Variants in SH3PXD2B observed in about 807,000 individuals in gnomAD.
SH3PXD2B encodes SH3 and PX domains 2B.
A neutral mutation model predicts 73.1 loss-of-function variants in SH3PXD2B; 37 were observed. That is an observed-to-expected ratio of 0.51 (90% CI 0.39 to 0.67). The LOEUF (loss-of-function observed/expected upper bound fraction) is 0.67. SH3PXD2B is among the 30% of genes least tolerant of loss of function. The probability of loss-of-function intolerance (pLI) is 0.00; values close to 1 mark genes in which losing one functional copy is unlikely to be tolerated. For missense variants in SH3PXD2B, 1,053 were observed against 1,197.8 expected, an observed-to-expected ratio of 0.88 and a Z score of 1.78; for synonymous variants, 457 against 480.5, an observed-to-expected ratio of 0.95 and a Z score of 0.64.
chr5:172,378,729 A>G (rs1757874981), intron 5 of SH3PXD2B, among the ~76,000 whole-genome samples: 1 of 152,110 alleles, frequency 6.6e-6, no homozygotes, highest in Non-Finnish European at 1.5e-5. Context: ...ATAAGAGGAG[A>G]CTGAGGCAAG....
At chr5:172,436,661 T>G (rs575828162) in intron 1 of SH3PXD2B, among the ~76,000 whole-genome samples, 1 of 152,100 alleles carries the variant, frequency 6.6e-6, no homozygotes, top group Non-Finnish European at 1.5e-5. Context: ...TACGAAACAG[T>G]AGAAGCCTGT....
rs1386010040 is a variant in SH3PXD2B, at chr5:172,336,942, A to T, written c.*1427T>A. ...AAGAAAAAAACATTACAAATGCCGG[A>T]GAGGCACAGGAAGCAGCTCTGCCTG... is the stretch of plus-strand genomic sequence containing the variant. On this transcript the variant is annotated 3_prime_UTR_variant, in exon 13 of 13. Transcript: ENST00000311601. 1.0e-6 allele frequency: 1 copy of T among 985,440 alleles called. No individual in the cohort carries two copies. The highest frequency in any genetic ancestry group is 1.2e-6 in the Non-Finnish European group (1 of 830,042). 61.0% of individuals were successfully genotyped at this position (985,440 alleles called of 1,614,324 possible). A position where few individuals can be genotyped will look rare whatever the true frequency, so the allele number is the denominator to read the frequency against.
chr5:172,396,555 T>C (rs1477192165), intron 3 of SH3PXD2B, among the ~76,000 whole-genome samples: 1 of 151,244 alleles, frequency 6.6e-6, no homozygotes, highest in African/African-American at 2.4e-5. Flanking sequence ...CTTGCTCTGG[T>C]GCAAAAGGAC....
rs1237204764 is a variant in SH3PXD2B at position 172,416,694 on chromosome 5, CTCTTTTTTTTTT to C, written c.156+5710_156+5721del. 5.4e-3 allele frequency among the ~76,000 whole-genome samples: 419 copies of C among 78,134 alleles called. 1 individual carries two copies. Among genetic ancestry groups the C allele is most frequent in the African/African-American group, 0.028 (405 of 14,558 alleles). 51.3% of individuals were successfully genotyped at this position (78,134 alleles called of 152,430 possible). On this transcript the variant is annotated intron_variant, in intron 2 of 12. Coordinates refer to ENST00000311601, the MANE Select transcript of SH3PXD2B (RefSeq NM_001017995.3). Reference sequence around the variant, plus strand: ...AGACTGTGAGTCTCTCTCTCTCTCTCTCTTTTTTTTTTTTTTTTTTTTTTTTTTTTTTGATAT... The same window carrying C: ...AGACTGTGAGTCTCTCTCTCTCTCTCTTTTTTTTTTTTTTTTTTTTGATAT...
In SH3PXD2B at chr5:172,335,219, G is replaced by A; in HGVS notation, c.*3150C>T. 9.7e-7 allele frequency: 1 copy of A among 1,026,572 alleles called. No individual in the cohort carries two copies. 63.6% of individuals were successfully genotyped at this position (1,026,572 alleles called of 1,614,324 possible). A position where few individuals can be genotyped will look rare whatever the true frequency, so the allele number is the denominator to read the frequency against. ...AAGGTAAAGTAGTTGTCACAATTGT[G>A]TTAATAAGCAGGGGTGAGGGGAAGA... On this transcript the variant is annotated 3_prime_UTR_variant, in exon 13 of 13. Transcript: ENST00000311601.
At chr5:172,368,756 TTTAA>T (rs1757631799) in intron 6 of SH3PXD2B, among the ~76,000 whole-genome samples, 1 of 98,002 alleles carries the variant, frequency 1.0e-5, no homozygotes, top group South Asian at 3.7e-4. Flanking sequence ...TATATATATA[TTTAA>T]TATATAATAT....
Position 172,336,528 on chromosome 5 carries a change from C to CA in SH3PXD2B, c.*1840_*1841insT, listed in dbSNP as rs1218340832. On this transcript the variant is annotated 3_prime_UTR_variant, in exon 13 of 13. Coordinates refer to ENST00000311601, the MANE Select transcript of SH3PXD2B (RefSeq NM_001017995.3). ...CTCACGCAGAAGCAGCCAGCACCCA[C>CA]GTGATAGGGGGTGGAGCTGGGAGGC... is the stretch of plus-strand genomic sequence containing the variant. 3.2e-6 allele frequency: 3 copies of CA among 937,856 alleles called. No homozygotes were observed. The highest frequency in any genetic ancestry group is 1.4e-4 in the East Asian group (1 of 7,168). 58.1% of individuals were successfully genotyped at this position (937,856 alleles called of 1,614,324 possible). A position where few individuals can be genotyped will look rare whatever the true frequency, so the allele number is the denominator to read the frequency against.
chr5:172,387,037 A>C (rs750821567), intron 4 of SH3PXD2B, among the ~76,000 whole-genome samples: 1 of 152,214 alleles, frequency 6.6e-6, no homozygotes, highest in Non-Finnish European at 1.5e-5. Flanking sequence ...TAATCTGAAG[A>C]AGTTCAAAAA....
At chr5:172,376,030 CTTT>C (rs371476674) in intron 5 of SH3PXD2B, among the ~76,000 whole-genome samples, 9 of 136,136 alleles carry the variant, frequency 6.6e-5, no homozygotes, top group Admixed American at 7.4e-5. Flanking sequence ...CATGTATCTT[CTTT>C]TTTTTTTTTT....
In SH3PXD2B at chr5:172,347,274, T is replaced by G. The variant is rs1210529409; in HGVS notation, c.1062+9A>C. ...AGTGGCCACTCCCCAGTAGCGAGGA[T>G]CCACTTACAATGGTCATGTCCCGGC... On this transcript the variant is annotated intron_variant, in intron 11 of 12. Transcript: ENST00000311601. The G allele has an allele frequency of 6.2e-7, 1 of 1,614,084 alleles. No homozygotes were observed.
At chr5:172,390,844 T>C (rs1019558270) in intron 4 of SH3PXD2B, among the ~76,000 whole-genome samples, 1 of 142,338 alleles carries the variant, frequency 7.0e-6, no homozygotes, top group Non-Finnish European at 1.6e-5. Context: ...TGTGTGTGTG[T>C]GTGTGTGTGT....
chr5:172,401,862 T>A (rs906787650), intron 3 of SH3PXD2B, among the ~76,000 whole-genome samples: 2 of 152,176 alleles, frequency 1.3e-5, no homozygotes, highest in Non-Finnish European at 2.9e-5. Flanking sequence ...CTTAACCCCA[T>A]CATCTTCGTA....
chr5:172,440,617 G>A (rs10043563), intron 1 of SH3PXD2B, among the ~76,000 whole-genome samples: 7,433 of 152,264 alleles, frequency 0.049, 550 homozygotes, highest in African/African-American at 0.16. Flanking sequence ...CTCCCACTTA[G>A]GGCTGGAAAC....
intron 12 of SH3PXD2B, among the ~76,000 whole-genome samples, chr5:172,344,066 T>C (rs1009461005): frequency 6.6e-6 from 1 of 151,990 alleles, no homozygotes; most frequent in Non-Finnish European, 1.5e-5. Context: ...GGAGGTAAGG[T>C]ACCTGACACA....
intron 6 of SH3PXD2B, among the ~76,000 whole-genome samples, chr5:172,363,657 T>C (rs1466149388): frequency 6.6e-6 from 1 of 151,726 alleles, no homozygotes; most frequent in Non-Finnish European, 1.5e-5. Context: ...AAGAGCAGCG[T>C]AGGCACACTC....
intron 12 of SH3PXD2B, among the ~76,000 whole-genome samples, chr5:172,342,799 C>T (rs181580533): frequency 1.1e-3 from 168 of 152,158 alleles, no homozygotes; most frequent in Non-Finnish European, 1.8e-3. Context: ...GGGCTGTGTC[C>T]GGGGTAAGAA....
At chr5:172,384,974 T>C (rs1758027578) in intron 4 of SH3PXD2B, among the ~76,000 whole-genome samples, 2 of 152,212 alleles carry the variant, frequency 1.3e-5, no homozygotes, top group Admixed American at 1.3e-4. Flanking sequence ...TTTAAGTAGC[T>C]CCTGCTCTGC....
chr5:172,398,690 T>G (rs1023606657), intron 3 of SH3PXD2B, among the ~76,000 whole-genome samples: 2 of 152,220 alleles, frequency 1.3e-5, no homozygotes, highest in African/African-American at 4.8e-5. Context: ...TTGAAAACTT[T>G]AAATGACTTC....
intron 2 of SH3PXD2B, among the ~76,000 whole-genome samples, chr5:172,413,636 G>C (rs1214418005): frequency 6.6e-6 from 1 of 152,256 alleles, no homozygotes; most frequent in Admixed American, 6.5e-5. Context: ...CCAGGTGGCA[G>C]CAACAGGGCC....
Sources: gnomAD v4.1 joint callset for allele counts (sites outside exome capture counted in the v4.1 genomes callset) on GRCh38, gnomAD v4.1.1 for gene constraint, MANE v1.5 for transcripts, NCBI Gene and HGNC (gene_info 2026-07-23, HGNC 2026-07-21) for gene names.